The following ITK variants were observed in gnomAD, a reference collection of about 807,000 sequenced individuals.
The protein encoded by ITK is IL2 inducible T cell kinase.
Under a neutral mutation model 87.6 loss-of-function variants are expected in ITK, and 45 were observed. The ratio of observed to expected loss-of-function variants is 0.51; its 90% CI spans 0.40 to 0.66. ITK has a LOEUF of 0.66. Ranked by LOEUF, ITK falls within the 30% of genes least tolerant of loss-of-function variation. The pLI, the probability that ITK is intolerant of heterozygous loss-of-function variation, is 0.00. For synonymous variants in ITK, 303 were observed against 273.6 expected, an observed-to-expected ratio of 1.11 and a Z score of -1.06; for missense variants, 605 against 766.3, an observed-to-expected ratio of 0.79 and a Z score of 2.48.
At chr5:157,193,796 G>C (rs1391067567) in intron 1 of ITK, among the ~76,000 whole-genome samples, 4 of 152,166 alleles carry the variant, frequency 2.6e-5, no homozygotes, top group African/African-American at 7.2e-5. Context: ...TAGAGGTGTT[G>C]AGTCGGGACC....
At chr5:157,207,669 C>T (rs1754110583) in intron 1 of ITK, among the ~76,000 whole-genome samples, 1 of 152,020 alleles carries the variant, frequency 6.6e-6, no homozygotes, top group Admixed American at 6.6e-5. Context: ...CGTGAGCCAC[C>T]ATGTCCAGCC....
At chr5:157,205,773 G>A (rs1000837514) in intron 1 of ITK, among the ~76,000 whole-genome samples, 2 of 152,090 alleles carry the variant, frequency 1.3e-5, no homozygotes, top group African/African-American at 2.4e-5. Context: ...TTTGACGTAC[G>A]TTCCTTTAAT....
intron 2 of ITK, among the ~76,000 whole-genome samples, chr5:157,209,312 CAG>C (rs1190434451): frequency 1.4e-5 from 2 of 143,516 alleles, no homozygotes; most frequent in Admixed American, 1.4e-4. Flanking sequence ...GCCCAGGCAA[CAG>C]AGTGAGACTC....
At chr5:157,221,997 A>C (rs1229379274) in intron 5 of ITK, among the ~76,000 whole-genome samples, 1 of 152,090 alleles carries the variant, frequency 6.6e-6, no homozygotes, top group Non-Finnish European at 1.5e-5. Flanking sequence ...TTAAAAAAAA[A>C]AATCCGATCT....
At chr5:157,217,554 G>T (rs1020048690) in intron 4 of ITK, among the ~76,000 whole-genome samples, 1 of 152,140 alleles carries the variant, frequency 6.6e-6, no homozygotes, top group Non-Finnish European at 1.5e-5. Context: ...CTACAGGGAA[G>T]GGTGCAAGTC....
Position 157,240,401 on chromosome 5 carries a change from C to T in ITK, c.985+206C>T, listed in dbSNP as rs1754865426. 2.0e-5 allele frequency: 12 copies of T among 607,560 alleles called. No homozygotes were observed. In the South Asian group the frequency reaches 2.3e-4, roughly 11 times the overall value. 37.6% of individuals were successfully genotyped at this position (607,560 alleles called of 1,614,324 possible). ...AAATGCCTGATGATCTGAGATGGAA[C>T]AGTTTCATCCTGAAAGCAACCCCCT... On this transcript the variant is annotated intron_variant, in intron 10 of 16. Transcript: ENST00000422843.
intron 10 of ITK, 55 bp downstream of exon 10, chr5:157,240,250 G>T: frequency 6.5e-7 from 1 of 1,537,712 alleles, no homozygotes; most frequent in Non-Finnish European, 9.0e-7. Context: ...TGAGCAGCAG[G>T]TGAGCAAGCA....
chr5:157,215,222 G>A (rs1754275584), intron 4 of ITK, among the ~76,000 whole-genome samples: 1 of 152,116 alleles, frequency 6.6e-6, no homozygotes, highest in Non-Finnish European at 1.5e-5. Flanking sequence ...TGGCCCATGT[G>A]GATTGTTTTC....
intron 7 of ITK, among the ~76,000 whole-genome samples, chr5:157,228,657 G>A (rs568321696): frequency 6.6e-6 from 1 of 151,580 alleles, no homozygotes; most frequent in East Asian, 1.9e-4. Context: ...TTTTTTTTGA[G>A]ACAGGGTCTC....
intron 16 of ITK, among the ~76,000 whole-genome samples, chr5:157,249,251 G>A (rs2113777846): frequency 6.6e-6 from 1 of 152,368 alleles, no homozygotes. Context: ...TAGCTTCAGA[G>A]AGGAGGATGG....
chr5:157,209,927 ATTT>A (rs34236243), intron 2 of ITK, among the ~76,000 whole-genome samples: 4 of 144,324 alleles, frequency 2.8e-5, no homozygotes, highest in African/African-American at 2.6e-5. Context: ...CACTGCAGAA[ATTT>A]TTTTTTTTTT....
intron 1 of ITK, among the ~76,000 whole-genome samples, chr5:157,188,097 C>T (rs548452803): frequency 3.2e-4 from 49 of 152,238 alleles, no homozygotes; most frequent in African/African-American, 1.1e-3. Flanking sequence ...CACCATGCCT[C>T]GCCATGCAGA....
In ITK at chr5:157,252,888, G is replaced by A. The variant is rs191930507; in HGVS notation, c.*210G>A. 2.7e-4 allele frequency: 164 copies of A among 614,482 alleles called. No individual in the cohort carries two copies. The East Asian group carries it at 4.7e-3, about 17-fold the overall frequency. 38.1% of individuals were successfully genotyped at this position (614,482 alleles called of 1,614,324 possible). A position where few individuals can be genotyped will look rare whatever the true frequency, so the allele number is the denominator to read the frequency against. On this transcript the variant is annotated 3_prime_UTR_variant, in exon 17 of 17. Transcript: ENST00000422843. ...TGGAGGGTCAGCCACCAAGCTGGGA[G>A]CTGAGCCAGAACAGGAGTGATGTCT...
At chr5:157,223,051 G>C (rs942821747) in intron 6 of ITK, 37 bp downstream of exon 6, 1 of 1,612,414 alleles carries the variant, frequency 6.2e-7, no homozygotes, top group East Asian at 2.2e-5. Flanking sequence ...CCGTGTTTGA[G>C]GTGTGGTGCG....
chr5:157,216,428 GA>G (rs1052444223), intron 4 of ITK, among the ~76,000 whole-genome samples: 40 of 152,278 alleles, frequency 2.6e-4, no homozygotes, highest in African/African-American at 9.4e-4. Context: ...AACATTTACA[GA>G]GTTCTTGATA....
Position 157,245,987 on chromosome 5 carries a change from G to A in ITK, c.1621G>A (p.Val541Met). 1 of 1,611,236 alleles carries A rather than the reference G, an allele frequency of 6.2e-7. No homozygotes were observed. The highest frequency in any genetic ancestry group is 1.3e-5 in the African/African-American group (1 of 74,976). Residue 541 changes from valine (V) to methionine (M), a missense_variant, in exon 15 of 17, where the codon GTG (valine) becomes ATG (methionine). Val to Met is a conservative substitution (Grantham distance 21). Around this residue, in one of 3 missense-constraint regions of ITK, gnomAD observed 70 missense variants for 122.5 expected, o/e 0.57. Transcript: ENST00000422843. ...SFSRYSSKSD[V>M]WSFGVLMWEV... The stretch of plus-strand genomic sequence containing the variant: ...CAGTCGCTATAGCAGCAAGTCCGAT[G>A]TGTGGTCATTTGGTGAGTGTCATGC...
Position 157,217,871 on chromosome 5 carries a change from A to G in ITK, c.459A>G (p.Ser153=). 6.2e-7 allele frequency: 1 copy of G among 1,613,940 alleles called. No homozygotes were observed. The highest frequency in any genetic ancestry group is 8.5e-7 in the Non-Finnish European group (1 of 1,179,896). The stretch of plus-strand genomic sequence containing the variant: ...TTCCTGTTTTTCTCTTTTCAGCTTC[A>G]AAGAAGCCTCTTCCTCCTACTCCTG... The part of the protein sequence containing the change: ...CAQYDPTKNA[S]KKPLPPTPED... The change falls in exon 5 of 17, where the codon TCA becomes TCG. Residue 153 remains serine, a synonymous_variant. Coordinates refer to ENST00000422843, the MANE Select transcript of ITK (RefSeq NM_005546.4).
At chr5:157,226,618 A>T (rs1754536737) in intron 6 of ITK, among the ~76,000 whole-genome samples, 1 of 152,184 alleles carries the variant, frequency 6.6e-6, no homozygotes, top group South Asian at 2.1e-4. Flanking sequence ...GTAAAATATA[A>T]GATGATCATC....
At chr5:157,184,495 G>A (rs1294459236) in intron 1 of ITK, among the ~76,000 whole-genome samples, 6 of 152,106 alleles carry the variant, frequency 3.9e-5, no homozygotes, top group Admixed American at 2.0e-4. Flanking sequence ...GACTGATATC[G>A]GATCCTTTTC....
Sources: allele counts gnomAD v4.1 joint callset (sites outside exome capture counted in the v4.1 genomes callset), GRCh38; gene constraint gnomAD v4.1.1; regional missense constraint gnomAD v4.1.1; transcripts MANE v1.5; gene names NCBI Gene and HGNC (gene_info 2026-07-23, HGNC 2026-07-21).